Variants in NPAS3 observed in about 807,000 individuals in gnomAD.
The protein encoded by NPAS3 is neuronal PAS domain-containing protein 3.
A neutral mutation model predicts 73.1 loss-of-function variants in NPAS3; 14 were observed. The ratio of observed to expected loss-of-function variants is 0.19; its 90% CI spans 0.13 to 0.30. The LOEUF (loss-of-function observed/expected upper bound fraction) is 0.30, where lower values mean the gene tolerates loss of function less well. Ranked by LOEUF, NPAS3 falls within the 10% of genes least tolerant of loss-of-function variation. The pLI, the probability that NPAS3 is intolerant of heterozygous loss-of-function variation, is 1.00. For missense variants in NPAS3, 1,096 were observed against 1,250.0 expected, an observed-to-expected ratio of 0.88 and a Z score of 1.86; for synonymous variants, 620 against 541.5, an observed-to-expected ratio of 1.14 and a Z score of -2.01.
chr14:33,527,354 G>A (rs2053848381), intron 4 of NPAS3, among the ~76,000 whole-genome samples: 1 of 152,144 alleles, frequency 6.6e-6, no homozygotes, highest in Non-Finnish European at 1.5e-5. Flanking sequence ...ATTGTCATAG[G>A]AAGAAATTGT....
At chr14:33,691,053 TTCA>T (rs1409534354) in intron 6 of NPAS3, among the ~76,000 whole-genome samples, 1 of 152,210 alleles carries the variant, frequency 6.6e-6, no homozygotes, top group Non-Finnish European at 1.5e-5. Flanking sequence ...AAAACATAAC[TTCA>T]TCAAAAAACA....
intron 5 of NPAS3, among the ~76,000 whole-genome samples, chr14:33,561,177 C>T (rs2139758572): frequency 6.6e-6 from 1 of 152,310 alleles, no homozygotes; most frequent in Non-Finnish European, 1.5e-5. Context: ...TTGTCTCTCT[C>T]CTTTAAAGCA....
intron 5 of NPAS3, among the ~76,000 whole-genome samples, chr14:33,579,304 A>G (rs558861351): frequency 2.6e-4 from 40 of 152,334 alleles, no homozygotes; most frequent in African/African-American, 8.7e-4. Context: ...AAATGCAGAA[A>G]TCAATCTCTA....
intron 4 of NPAS3, among the ~76,000 whole-genome samples, chr14:33,471,354 G>C (rs2050773071): frequency 6.6e-6 from 1 of 152,164 alleles, no homozygotes; most frequent in Non-Finnish European, 1.5e-5. Flanking sequence ...CAAACTTTCT[G>C]ACCAATAGAT....
At chr14:33,689,637 C>T (rs943822033) in intron 6 of NPAS3, among the ~76,000 whole-genome samples, 2 of 152,138 alleles carry the variant, frequency 1.3e-5, no homozygotes, top group Non-Finnish European at 2.9e-5. Context: ...CACACATACA[C>T]CCTACATGAG....
intron 1 of NPAS3, among the ~76,000 whole-genome samples, chr14:32,949,618 T>A (rs567152891): frequency 1.2e-4 from 19 of 152,168 alleles, no homozygotes; most frequent in Non-Finnish European, 2.5e-4. Flanking sequence ...ATTAACTCTC[T>A]TAAAGTAATA....
chr14:33,257,466 A>C (rs2048822096), intron 3 of NPAS3, among the ~76,000 whole-genome samples: 1 of 152,208 alleles, frequency 6.6e-6, no homozygotes. Context: ...CAGACCTAAA[A>C]TATGGAGATG....
At chr14:33,594,157 G>A (rs2057161599) in intron 5 of NPAS3, among the ~76,000 whole-genome samples, 1 of 152,126 alleles carries the variant, frequency 6.6e-6, no homozygotes, top group South Asian at 2.1e-4. Context: ...AGGTGCTCAA[G>A]CTTCTTCTAT....
intron 2 of NPAS3, among the ~76,000 whole-genome samples, chr14:33,113,182 A>G (rs2042952233): frequency 6.6e-6 from 1 of 152,048 alleles, no homozygotes; most frequent in Non-Finnish European, 1.5e-5. Flanking sequence ...ACTTTAAAGT[A>G]GTTTTTTTCC....
In NPAS3 at chr14:33,171,560, C is replaced by G. The variant is rs575610828; in HGVS notation, c.141-43622C>G. Among the ~76,000 whole-genome samples, 3 of 152,344 alleles carry G rather than the reference C, an allele frequency of 2.0e-5. No individual in the cohort carries two copies. In the South Asian group the frequency reaches 6.2e-4, roughly 32 times the overall value. ...TCTGCAGCTTCCTCACCTCTGTCAG[C>G]CTTCATAGAACTGAACAGAGTTAGG... On this transcript the variant is annotated intron_variant, in intron 2 of 11. Transcript: ENST00000356141.
chr14:33,206,271 A>G (rs1176303420), intron 2 of NPAS3, among the ~76,000 whole-genome samples: 1 of 152,178 alleles, frequency 6.6e-6, no homozygotes, highest in African/African-American at 2.4e-5. Context: ...TGCCATCTCC[A>G]ACCATCATTG....
intron 3 of NPAS3, among the ~76,000 whole-genome samples, chr14:33,339,091 G>C (rs1017396584): frequency 5.9e-5 from 9 of 151,876 alleles, no homozygotes; most frequent in African/African-American, 2.2e-4. Context: ...TTTGTGTTTG[G>C]CCTAACAGAA....
At chr14:33,546,158 A>G (rs2054833533) in intron 4 of NPAS3, among the ~76,000 whole-genome samples, 1 of 152,192 alleles carries the variant, frequency 6.6e-6, no homozygotes, top group South Asian at 2.1e-4. Context: ...TAGGGCTGGA[A>G]CGATATCCAG....
chr14:33,404,458 G>A (rs1209088957), intron 4 of NPAS3, among the ~76,000 whole-genome samples: 4 of 151,958 alleles, frequency 2.6e-5, no homozygotes. Flanking sequence ...ATTCTGTAAT[G>A]GGTACTTCAT....
At chr14:33,301,532 C>T (rs2140152894) in intron 3 of NPAS3, among the ~76,000 whole-genome samples, 1 of 151,794 alleles carries the variant, frequency 6.6e-6, no homozygotes, top group African/African-American at 2.4e-5. Context: ...TGGTGTACTC[C>T]ACCAGACCTC....
At chr14:33,507,448 T>C (rs2052819576) in intron 4 of NPAS3, among the ~76,000 whole-genome samples, 1 of 152,052 alleles carries the variant, frequency 6.6e-6, no homozygotes, top group Admixed American at 6.6e-5. Context: ...CTGCTTGATC[T>C]TTTCAGTCTT....
intron 4 of NPAS3, among the ~76,000 whole-genome samples, chr14:33,518,036 A>T (rs984812698): frequency 6.6e-6 from 1 of 152,138 alleles, no homozygotes; most frequent in African/African-American, 2.4e-5. Flanking sequence ...ACCAGATGAA[A>T]CAATTCTTGA....
At chr14:33,597,404 A>G (rs1163733956) in intron 5 of NPAS3, among the ~76,000 whole-genome samples, 1 of 152,244 alleles carries the variant, frequency 6.6e-6, no homozygotes, top group Non-Finnish European at 1.5e-5. Context: ...TGATATCACC[A>G]TAAAATTTAT....
intron 4 of NPAS3, among the ~76,000 whole-genome samples, chr14:33,481,774 T>TA (rs1253151408): frequency 3.3e-5 from 5 of 151,544 alleles, no homozygotes; most frequent in Non-Finnish European, 7.4e-5. Context: ...GTTTCAGTTA[T>TA]AAAAAAATCA....
Sources: gnomAD v4.1 joint callset for allele counts (sites outside exome capture counted in the v4.1 genomes callset) on GRCh38, gnomAD v4.1.1 for gene constraint, MANE v1.5 for transcripts, NCBI Gene and HGNC (gene_info 2026-07-23, HGNC 2026-07-21) for gene names.